Variants in VBP1 observed in about 807,000 individuals in gnomAD.
The protein encoded by VBP1 is prefoldin subunit 3.
Under a neutral mutation model 15.5 loss-of-function variants are expected in VBP1, and 4 were observed. The observed-to-expected ratio is 0.26, with a 90% CI of 0.13 to 0.59. VBP1 has a LOEUF of 0.59. Among genes scored for constraint, VBP1 ranks in the 20% least tolerant of loss-of-function variants. VBP1 has a pLI of 0.90. For missense variants in VBP1, 108 were observed against 139.6 expected, an observed-to-expected ratio of 0.77 and a Z score of 1.14; for synonymous variants, 61 against 52.1, an observed-to-expected ratio of 1.17 and a Z score of -0.74.
At chrX:155,238,471 C>T (rs1424661542) in intron 5 of VBP1, among the ~76,000 whole-genome samples, 3 of 111,929 alleles carry the variant, frequency 2.7e-5, no homozygotes, top group Non-Finnish European at 3.8e-5. Context: ...TTAAAACTAT[C>T]GAGAGTGTCT....
intron 1 of VBP1, among the ~76,000 whole-genome samples, chrX:155,206,212 GA>G (rs781996961): frequency 1.3e-4 from 13 of 103,682 alleles, no homozygotes; most frequent in Non-Finnish European, 2.4e-4. Flanking sequence ...GAACTCTATT[GA>G]AAAGGTGACT....
Position 155,236,282 on chromosome X carries a change from G to T in VBP1, c.438G>T (p.Lys146Asn). Residue 146 changes from lysine to asparagine, a missense_variant, in exon 5 of 6, where the codon AAG becomes AAT. Lys to Asn is a moderately conservative substitution (Grantham distance 94, BLOSUM62 0). Coordinates refer to ENST00000286428, the MANE Select transcript of VBP1 (RefSeq NM_003372.7). ...ATGAAGCTCAGGCATTGTTGGAAAA[G>T]AATTTATCGACTGCCACAAAGAATC... ...DIDEAQALLE[K>N]NLSTATKNLD... 1.7e-6 allele frequency: 2 copies of T among 1,210,873 alleles called. No individual in the cohort carries two copies. Among genetic ancestry groups the T allele is most frequent in the Non-Finnish European group, 2.2e-6 (2 of 894,948 alleles).
At chrX:155,200,803 A>C (rs1305022521) in intron 1 of VBP1, among the ~76,000 whole-genome samples, 25 of 110,869 alleles carry the variant, frequency 2.3e-4, no homozygotes, top group African/African-American at 7.9e-4. Flanking sequence ...ACCCTTCAAA[A>C]AGTTAATGAA....
intron 1 of VBP1, among the ~76,000 whole-genome samples, chrX:155,208,336 C>G (rs1322000338): frequency 8.9e-6 from 1 of 112,415 alleles, no homozygotes; most frequent in Non-Finnish European, 1.9e-5. Flanking sequence ...TTTCTAGTTC[C>G]ACCTACGTCC....
chrX:155,203,992 T>G (rs1233943034), intron 1 of VBP1, among the ~76,000 whole-genome samples: 1 of 111,772 alleles, frequency 8.9e-6, no homozygotes, highest in Non-Finnish European at 1.9e-5. Flanking sequence ...GACCTTGTGG[T>G]GTAACACATG....
chrX:155,230,893 A>G (rs1438213879), intron 4 of VBP1, among the ~76,000 whole-genome samples: 1 of 110,944 alleles, frequency 9.0e-6, no homozygotes, highest in Non-Finnish European at 1.9e-5. Context: ...GGCCAGGTTG[A>G]TCTCGAACTC....
intron 1 of VBP1, 44 bp from the exon 2 acceptor site, chrX:155,220,139 G>T (rs1569560915): frequency 8.7e-7 from 1 of 1,148,865 alleles, no homozygotes; most frequent in Admixed American, 2.6e-5. Context: ...AATCTGAGTG[G>T]CATGAATTCT....
At chrX:155,200,401 C>G (rs1313082425) in intron 1 of VBP1, among the ~76,000 whole-genome samples, 1 of 109,418 alleles carries the variant, frequency 9.1e-6, no homozygotes, top group African/African-American at 3.4e-5. Flanking sequence ...GAAATTATAA[C>G]AAACTGTCTC....
intron 1 of VBP1, among the ~76,000 whole-genome samples, chrX:155,201,338 G>C (rs1189004856): frequency 9.5e-6 from 1 of 105,776 alleles, no homozygotes; most frequent in Non-Finnish European, 1.9e-5. Context: ...TATCCTTGAT[G>C]AACATTGATG....
intron 4 of VBP1, 105 bp from the exon 5 acceptor site, chrX:155,236,124 C>T: frequency 1.1e-6 from 1 of 901,859 alleles, no homozygotes; most frequent in Non-Finnish European, 1.5e-6. Flanking sequence ...CAACAAAAGG[C>T]AGCAAGCTGG....
At chrX:155,204,297 C>T (rs1383776280) in intron 1 of VBP1, among the ~76,000 whole-genome samples, 2 of 110,730 alleles carry the variant, frequency 1.8e-5, no homozygotes, top group Non-Finnish European at 3.8e-5. Context: ...GGGTTACAGG[C>T]GTTTGACACC....
At chrX:155,225,148 G>T (rs1267822965) in intron 2 of VBP1, among the ~76,000 whole-genome samples, 1 of 111,754 alleles carries the variant, frequency 8.9e-6, no homozygotes, top group Non-Finnish European at 1.9e-5. Context: ...AAATTATAAT[G>T]TCTTTTCCCT....
chrX:155,232,089 T>C (rs986446694), intron 4 of VBP1, among the ~76,000 whole-genome samples: 39 of 111,683 alleles, frequency 3.5e-4, no homozygotes, highest in African/African-American at 1.3e-3. Flanking sequence ...TCACCCACAT[T>C]TTTAGATTTT....
At chrX:155,203,451 T>A (rs2074614053) in intron 1 of VBP1, among the ~76,000 whole-genome samples, 1 of 110,233 alleles carries the variant, frequency 9.1e-6, no homozygotes, top group Non-Finnish European at 1.9e-5. Flanking sequence ...TGAGTTCATG[T>A]CCTTTGTAGG....
At chrX:155,225,350 C>T (rs139374237) in intron 2 of VBP1, among the ~76,000 whole-genome samples, 1,190 of 111,736 alleles carry the variant, frequency 0.011, 12 homozygotes, top group African/African-American at 0.025. Flanking sequence ...TGCACCACCA[C>T]GCCCAGCTAA....
intron 5 of VBP1, among the ~76,000 whole-genome samples, chrX:155,238,428 G>A (rs2074783857): frequency 8.9e-6 from 1 of 111,973 alleles, no homozygotes; most frequent in African/African-American, 3.2e-5. Context: ...TGGGTTGAGT[G>A]ATCTTTCAGA....
intron 4 of VBP1, among the ~76,000 whole-genome samples, chrX:155,232,298 A>T: frequency 9.2e-6 from 1 of 109,141 alleles, no homozygotes; most frequent in Admixed American, 9.8e-5. Context: ...TCTTCTCTTA[A>T]TATTGCAGAT....
chrX:155,230,182 G>A (rs2074738706), intron 4 of VBP1, among the ~76,000 whole-genome samples: 1 of 111,213 alleles, frequency 9.0e-6, no homozygotes, highest in Non-Finnish European at 1.9e-5. Flanking sequence ...TCTTAGCTTT[G>A]GTGTTCGCGG....
At position 155,239,824 on chromosome X, in the gene VBP1, A is replaced by G. The variant is rs782779829; in HGVS notation, c.*982A>G. 2.7e-5 allele frequency: 3 copies of G among 112,241 alleles called. No homozygotes were observed. Among genetic ancestry groups the G allele is most frequent in the Non-Finnish European group, 5.6e-5 (3 of 53,278 alleles). The allele number at this position is 112,241 out of a possible 1,213,427, so 9.2% of individuals were successfully genotyped here. ...AACAGTGATGCTAAAACTATGGCAGAGCACTTTTTTCATGTTACTCTTTGT... is the reference window on the plus strand; with the variant it reads ...AACAGTGATGCTAAAACTATGGCAGGGCACTTTTTTCATGTTACTCTTTGT... On this transcript the variant is annotated 3_prime_UTR_variant, in exon 6 of 6. Transcript: ENST00000286428.
Sources: gnomAD v4.1 joint callset for allele counts (sites outside exome capture counted in the v4.1 genomes callset) on GRCh38, gnomAD v4.1.1 for gene constraint, MANE v1.5 for transcripts, NCBI Gene and HGNC (gene_info 2026-07-23, HGNC 2026-07-21) for gene names.